The following LUZP1 variants were observed in gnomAD, a reference collection of about 807,000 sequenced individuals.
LUZP1 encodes the protein filamin mechanobinding actin cross-linking protein.
In LUZP1, 25 loss-of-function variants were observed where a neutral mutation model predicts 71.3. That is an observed-to-expected ratio of 0.35 (90% CI 0.26 to 0.49). The LOEUF (loss-of-function observed/expected upper bound fraction) is 0.49. LUZP1 is among the 20% of genes least tolerant of loss of function. The pLI is 0.99. For missense variants in LUZP1, 1,142 were observed against 1,300.8 expected (o/e 0.88, Z 1.88); for synonymous variants, 481 against 506.4 (o/e 0.95, Z 0.67).
At chr1:23,111,436 T>C (rs532005150) in intron 2 of LUZP1, among the ~76,000 whole-genome samples, 1 of 152,042 alleles carries the variant, frequency 6.6e-6, no homozygotes, top group East Asian at 1.9e-4. Flanking sequence ...GATGCACACC[T>C]ATAGTCCTAG....
chr1:23,133,087 G>A (rs1290400326), intron 2 of LUZP1, among the ~76,000 whole-genome samples: 1 of 152,164 alleles, frequency 6.6e-6, no homozygotes, highest in Non-Finnish European at 1.5e-5. Flanking sequence ...AGAAAAGAAA[G>A]ACACTCTATT....
chr1:23,094,555 C>T lies in LUZP1; in HGVS notation c.-119-175G>A, dbSNP rs1643882988. Among the ~76,000 whole-genome samples, 2 of 152,074 alleles carry T rather than the reference C, an allele frequency of 1.3e-5. No homozygotes were observed. The highest frequency in any genetic ancestry group is 2.4e-5 in the African/African-American group (1 of 41,402). Reference sequence around the variant, plus strand: ...CAAGAAAACACTGGTTCTTTATGGCCGATATTGAGTTGATACCTCATTTCG... The same window carrying T: ...CAAGAAAACACTGGTTCTTTATGGCTGATATTGAGTTGATACCTCATTTCG... On this transcript the variant is annotated intron_variant, in intron 3 of 4. Transcript: ENST00000302291. The surrounding 1 kb of genome is among the most constrained non-coding windows in gnomAD (Gnocchi z 4.7).
intron 2 of LUZP1, among the ~76,000 whole-genome samples, chr1:23,144,376 T>C (rs111563716): frequency 4.5e-4 from 69 of 152,240 alleles, no homozygotes; most frequent in African/African-American, 1.6e-3. Flanking sequence ...AAAAAAGCCC[T>C]AGAAATACTT....
At position 23,130,584 on chromosome 1, in the gene LUZP1, G is replaced by A. The variant is rs535333227; in HGVS notation, c.-225-21457C>T. ...TCACTATATAGCCCAGTATGGTCTT[G>A]AATTCCTAGGCTCAAGCAATCCTCC... On this transcript the variant is annotated intron_variant, in intron 2 of 4. Transcript: ENST00000302291. Among the ~76,000 whole-genome samples, 138 of 128,704 alleles carry A rather than the reference G, an allele frequency of 1.1e-3. 2 individuals are homozygous for A. In the South Asian group the frequency reaches 0.032, roughly 30 times the overall value. 84.4% of individuals were successfully genotyped at this position (128,704 alleles called of 152,430 possible). A position where few individuals can be genotyped will look rare whatever the true frequency, so the allele number is the denominator to read the frequency against.
chr1:23,087,487 A>ACC (rs1643783778), exon 5 of LUZP1: 1 of 152,560 alleles, frequency 6.6e-6, no homozygotes. Flanking sequence ...ACAATGACTC[A>ACC]CCCAAGGTCA....
At chr1:23,137,361 C>T (rs1470345118) in intron 2 of LUZP1, among the ~76,000 whole-genome samples, 1 of 152,072 alleles carries the variant, frequency 6.6e-6, no homozygotes, top group Non-Finnish European at 1.5e-5. Flanking sequence ...CAAAGTGAGG[C>T]GAGGCATGGT....
chr1:23,086,123 C>T (rs1480264225), exon 5 of LUZP1: 3 of 152,294 alleles, frequency 2.0e-5, no homozygotes, highest in African/African-American at 7.2e-5. Context: ...TCCAGGACCC[C>T]TGATGATGAG....
chr1:23,138,703 A>G (rs76680963), intron 2 of LUZP1, among the ~76,000 whole-genome samples: 59,489 of 126,172 alleles, frequency 0.47, 13,352 homozygotes, highest in African/African-American at 0.59. Context: ...GTGTGTATAT[A>G]TATATATATA....
chr1:23,111,361 G>A (rs1644030872), intron 2 of LUZP1, among the ~76,000 whole-genome samples: 1 of 149,122 alleles, frequency 6.7e-6, no homozygotes, highest in Non-Finnish European at 1.5e-5. Flanking sequence ...GAACAGCCTG[G>A]ACAACAACAA....
In LUZP1 at chr1:23,090,940, TC is replaced by T. The variant is rs781180256; in HGVS notation, c.3072+249del. The T allele has an allele frequency of 1.1e-5, 8 of 718,452 alleles. No homozygotes were observed. In the South Asian group the frequency reaches 1.2e-4, roughly 11 times the overall value. The allele number at this position is 718,452 out of a possible 1,614,324, so 44.5% of individuals were successfully genotyped here. On this transcript the variant is annotated intron_variant, in intron 4 of 4. Coordinates refer to ENST00000302291, the Ensembl canonical transcript of LUZP1. ...AGAGAAGACAGATTTCCTTTTTATGTCACCTTCATATACGAGAGCAAAATGA... is the reference window on the plus strand; with the variant it reads ...AGAGAAGACAGATTTCCTTTTTATGTACCTTCATATACGAGAGCAAAATGA...
intron 2 of LUZP1, among the ~76,000 whole-genome samples, chr1:23,146,281 GCTGGGATTA>G (rs546975418): frequency 1.1e-3 from 170 of 152,290 alleles, no homozygotes; most frequent in African/African-American, 4.0e-3. Context: ...CACCCAAAAT[GCTGGGATTA>G]CAGGCGTGAG....
Position 23,094,376 on chromosome 1 carries a change from T to A in LUZP1, c.-115A>T. 6.8e-7 allele frequency: 1 copy of A among 1,466,596 alleles called. No individual in the cohort carries two copies. Among genetic ancestry groups the A allele is most frequent in the Non-Finnish European group, 9.0e-7 (1 of 1,114,296 alleles). 90.8% of individuals were successfully genotyped at this position (1,466,596 alleles called of 1,614,324 possible). A position where few individuals can be genotyped will look rare whatever the true frequency, so the allele number is the denominator to read the frequency against. ...CTTCTTTGACAGCTGGAGACCATCATCAATCTACAAAAGGAAAGTAGAAAG... is the reference window on the plus strand; with the variant it reads ...CTTCTTTGACAGCTGGAGACCATCAACAATCTACAAAAGGAAAGTAGAAAG... On this transcript the variant is annotated 5_prime_UTR_variant, in exon 4 of 5. An upstream start codon of the reference 5' UTR is lost. Transcript: ENST00000302291. This position sits in a 1 kb window ranked among gnomAD's most constrained non-coding sequence, Gnocchi z 4.7.
At chr1:23,092,504 A>G (rs1454626256) in exon 4 of LUZP1, 1 of 1,614,230 alleles carries the variant, frequency 6.2e-7, no homozygotes, top group Admixed American at 1.7e-5. Context: ...CCTCAAGGCC[A>G]TTGGCAGCCT....
intron 2 of LUZP1, among the ~76,000 whole-genome samples, chr1:23,163,237 C>CAAA (rs36097785): frequency 1.6e-4 from 7 of 45,144 alleles, no homozygotes; most frequent in East Asian, 5.7e-4. Flanking sequence ...GAGACTCTCT[C>CAAA]AAAAAAAAAA....
intron 2 of LUZP1, among the ~76,000 whole-genome samples, chr1:23,138,771 G>A (rs946007885): frequency 2.0e-5 from 3 of 149,842 alleles, no homozygotes; most frequent in South Asian, 4.2e-4. Flanking sequence ...GGGAGACTGA[G>A]TTCAGACTGC....
intron 2 of LUZP1, among the ~76,000 whole-genome samples, chr1:23,110,611 C>T (rs191198152): frequency 4.8e-5 from 7 of 145,684 alleles, no homozygotes; most frequent in East Asian, 2.0e-4. Context: ...CCTGCACCTG[C>T]GCGCATGCAT....
At chr1:23,089,742 AC>A (rs1643824685) in intron 4 of LUZP1, among the ~76,000 whole-genome samples, 1 of 144,382 alleles carries the variant, frequency 6.9e-6, no homozygotes, top group African/African-American at 2.6e-5. Context: ...ACAAGCACGC[AC>A]CACCACACCT....
At chr1:23,117,390 A>C (rs564603467) in intron 2 of LUZP1, among the ~76,000 whole-genome samples, 7 of 147,282 alleles carry the variant, frequency 4.8e-5, no homozygotes, top group Non-Finnish European at 1.1e-4. Flanking sequence ...GCCTGAACGA[A>C]AATATACCCT....
chr1:23,087,994 C>T (rs1336689144), exon 5 of LUZP1: 1 of 152,688 alleles, frequency 6.5e-6, no homozygotes, highest in African/African-American at 2.4e-5. Context: ...TCTGCTTTCC[C>T]TCTTGCTGGG....
Sources: gnomAD v4.1 joint callset for allele counts (sites outside exome capture counted in the v4.1 genomes callset) on GRCh38, gnomAD v4.1.1 for gene constraint, Gnocchi (gnomAD v3.1) non-coding constraint, MANE v1.5 for transcripts, NCBI Gene and HGNC (gene_info 2026-07-23, HGNC 2026-07-21) for gene names.